CCND3: variants seen among roughly 807,000 people sequenced by gnomAD.
CCND3 encodes cyclin D3.
In CCND3, 9 loss-of-function variants were observed where a neutral mutation model predicts 28.7. That is an observed-to-expected ratio of 0.31 (90% CI 0.19 to 0.55). The LOEUF is 0.55. Among genes scored for constraint, CCND3 ranks in the 20% least tolerant of loss-of-function variants. CCND3 has a pLI of 0.93. For missense variants in CCND3, 315 were observed against 385.8 expected (o/e 0.82, Z 1.54); for synonymous variants, 164 against 163.9 (o/e 1.00, Z 0.00).
Position 42,036,398 on chromosome 6 carries a change from TATA to T in CCND3, c.-46+12100_-46+12102del, listed in dbSNP as rs1299369240. Among the ~76,000 whole-genome samples the T allele has an allele frequency of 3.7e-3, 181 of 49,006 alleles. 7 individuals carry two copies. The highest frequency in any genetic ancestry group is 0.016 in the East Asian group (22 of 1,400). The allele number at this position is 49,006 out of a possible 152,430, so 32.1% of individuals were successfully genotyped here. ...TATACTATATATATATATATATATA[TATA>T]TATTTTTTTTTTTTTTTTTTTTTTT... On this transcript the variant is annotated intron_variant, in intron 1 of 4. Coordinates refer to the CCND3 transcript ENST00000372988.
In CCND3 at chr6:41,941,222, C is replaced by T. The variant is rs998229698; in HGVS notation, c.198+230G>A. The T allele has an allele frequency of 1.8e-5, 26 of 1,434,672 alleles. No homozygotes were observed. Among genetic ancestry groups the T allele is most frequent in the Non-Finnish European group, 2.2e-5 (24 of 1,098,628 alleles). 88.9% of individuals were successfully genotyped at this position (1,434,672 alleles called of 1,614,324 possible). On this transcript the variant is annotated intron_variant, in intron 1 of 4. Transcript: ENST00000372991. This position sits in a 1 kb window ranked among gnomAD's most constrained non-coding sequence, Gnocchi z 6.1. ...CCCGTTTGCTCGGCCCGAAGAGAGG[C>T]ACAGTTAGGGTGCCAAGTGACTGGC...
At chr6:41,977,675 T>G (rs1762221742) in intron 1 of CCND3, among the ~76,000 whole-genome samples, 1 of 152,118 alleles carries the variant, frequency 6.6e-6, no homozygotes, top group African/African-American at 2.4e-5. Context: ...CCAACTGTAC[T>G]TTAAATGGAA....
intron 1 of CCND3, among the ~76,000 whole-genome samples, chr6:41,967,476 T>A (rs1441689749): frequency 6.6e-6 from 1 of 152,218 alleles, no homozygotes; most frequent in African/African-American, 2.4e-5. Flanking sequence ...TAAAAGGAGC[T>A]GGGCCAGGAC....
intron 1 of CCND3, among the ~76,000 whole-genome samples, chr6:41,967,322 G>T (rs1453759265): frequency 6.6e-6 from 1 of 152,132 alleles, no homozygotes. Flanking sequence ...ATTAATGAAT[G>T]CTTGAATGAA....
chr6:42,038,384 C>CA (rs1308859505), intron 1 of CCND3, among the ~76,000 whole-genome samples: 1 of 151,762 alleles, frequency 6.6e-6, no homozygotes, highest in Non-Finnish European at 1.5e-5. Context: ...ACCAAAAATA[C>CA]AAAAAATTAA....
At chr6:42,014,333 A>C (rs1430557397) in intron 1 of CCND3, among the ~76,000 whole-genome samples, 1 of 152,142 alleles carries the variant, frequency 6.6e-6, no homozygotes, top group Admixed American at 6.5e-5. Context: ...GCGCCACTGC[A>C]CTCCAGCCTG....
chr6:41,957,910 C>T (rs1277448665), intron 1 of CCND3, among the ~76,000 whole-genome samples: 1 of 152,014 alleles, frequency 6.6e-6, no homozygotes, highest in African/African-American at 2.4e-5. Flanking sequence ...GTCTCGAACT[C>T]CTGGCCTCAA....
Position 41,989,454 on chromosome 6 carries a change from C to CAAAAAAAAAAAAAAAAAAAAAAAAAAA in CCND3, c.-45-48870_-45-48869insTTTTTTTTTTTTTTTTTTTTTTTTTTT, listed in dbSNP as rs35776222. Among the ~76,000 whole-genome samples the CAAAAAAAAAAAAAAAAAAAAAAAAAAA allele has an allele frequency of 1.4e-4, 3 of 21,704 alleles. 1 individual carries two copies. The highest frequency in any genetic ancestry group is 1.3e-4 in the African/African-American group (1 of 7,770). 14.2% of individuals were successfully genotyped at this position (21,704 alleles called of 152,430 possible). A position where few individuals can be genotyped will look rare whatever the true frequency, so the allele number is the denominator to read the frequency against. On this transcript the variant is annotated intron_variant, in intron 1 of 4. Coordinates refer to the CCND3 transcript ENST00000372988. The stretch of plus-strand genomic sequence containing the variant: ...GGGCGACAAGAGTGAAACACTGTCT[C>CAAAAAAAAAAAAAAAAAAAAAAAAAAA]AAAAAAAAAAAACAAAAAAAAAAAA...
intron 1 of CCND3, among the ~76,000 whole-genome samples, chr6:42,010,598 G>C (rs1035120551): frequency 6.6e-6 from 1 of 152,138 alleles, no homozygotes; most frequent in African/African-American, 2.4e-5. Context: ...CAGCAGGGCC[G>C]GGTTAACTGA....
rs186998442 is a variant in CCND3 at position 42,022,543 on chromosome 6, A to G, written c.-46+25958T>C. Among the ~76,000 whole-genome samples the G allele has an allele frequency of 2.3e-3, 352 of 152,360 alleles. 2 individuals carry two copies. Among genetic ancestry groups the G allele is most frequent in the African/African-American group, 8.0e-3 (333 of 41,584 alleles). On this transcript the variant is annotated intron_variant, in intron 1 of 4. Transcript: ENST00000372988. ...GTGTGGTACAGGCACATCCACAAAG[A>G]GAAACAAAGAGCTATTTATTTACTT...
chr6:41,940,569 C>G lies in CCND3; in HGVS notation c.215G>C (p.Arg72Pro). The change falls in exon 2 of 5, where the codon CGC (arginine) becomes CCC (proline). Residue 72 changes from arginine (R) to proline (P), a missense_variant. Arg to Pro is a moderately radical substitution (Grantham distance 103, BLOSUM62 -2). Transcript: ENST00000372991. ...YWMLEVCEEQ[R>P]CEEEVFPLAM... ...CAGGGGGAAGACTTCCTCCTCACAG[C>G]GCTGCTCCTCACATACCTGGGGGAG... 1.2e-6 allele frequency: 2 copies of G among 1,613,206 alleles called. No individual in the cohort carries two copies.
At chr6:42,036,762 A>G (rs1764232749) in intron 1 of CCND3, among the ~76,000 whole-genome samples, 2 of 151,950 alleles carry the variant, frequency 1.3e-5, no homozygotes, top group South Asian at 4.2e-4. Flanking sequence ...ATATACATCA[A>G]TGAAAACATA....
At chr6:41,942,816 G>A (rs1363381211), upstream of CCND3, among the ~76,000 whole-genome samples, 5 of 151,690 alleles carry the variant, frequency 3.3e-5, no homozygotes, top group Non-Finnish European at 7.4e-5. Context: ...CCCTACTGGG[G>A]TCCTCCTGAC....
intron 1 of CCND3, among the ~76,000 whole-genome samples, chr6:41,960,932 C>G (rs1761700423): frequency 6.6e-6 from 1 of 152,168 alleles, no homozygotes; most frequent in Non-Finnish European, 1.5e-5. Context: ...GCTAAGCTTC[C>G]TGGAGAATAA....
At chr6:41,951,084 T>C (rs1010899545) in intron 1 of CCND3, among the ~76,000 whole-genome samples, 1 of 151,996 alleles carries the variant, frequency 6.6e-6, no homozygotes, top group East Asian at 1.9e-4. Flanking sequence ...TCCTAAGATG[T>C]CATGAAGACA....
chr6:42,015,866 T>C (rs928082059), intron 1 of CCND3, among the ~76,000 whole-genome samples: 4 of 152,094 alleles, frequency 2.6e-5, no homozygotes, highest in African/African-American at 9.7e-5. Flanking sequence ...TTTGTGTGCG[T>C]GGTGAGAACA....
At chr6:41,952,935 A>C (rs1776348880) in intron 1 of CCND3, among the ~76,000 whole-genome samples, 1 of 152,154 alleles carries the variant, frequency 6.6e-6, no homozygotes. Flanking sequence ...GGCAGTTGTC[A>C]GGGTGGCCAA....
At chr6:42,008,806 G>C (rs1010458428) in intron 1 of CCND3, among the ~76,000 whole-genome samples, 3 of 152,098 alleles carry the variant, frequency 2.0e-5, no homozygotes, top group African/African-American at 7.2e-5. Flanking sequence ...CATCATGGTG[G>C]ATCCCTCCCA....
chr6:41,985,406 C>T (rs1447705239), intron 1 of CCND3, among the ~76,000 whole-genome samples: 2 of 147,042 alleles, frequency 1.4e-5, no homozygotes, highest in African/African-American at 5.0e-5. Flanking sequence ...CTCCGCCTCC[C>T]GGGTCCAAGA....
Sources: gnomAD v4.1 joint callset for allele counts (sites outside exome capture counted in the v4.1 genomes callset) on GRCh38, gnomAD v4.1.1 for gene constraint, Gnocchi (gnomAD v3.1) non-coding constraint, MANE v1.5 for transcripts, NCBI Gene and HGNC (gene_info 2026-07-23, HGNC 2026-07-21) for gene names.